Variants in SAV1 observed in about 807,000 individuals in gnomAD.
The protein encoded by SAV1 is salvador family WW domain containing protein 1.
Under a neutral mutation model 47.3 loss-of-function variants are expected in SAV1, and 23 were observed. The observed-to-expected ratio is 0.49, with a 90% CI of 0.35 to 0.69. The LOEUF (loss-of-function observed/expected upper bound fraction) is 0.69. SAV1 is among the 30% of genes least tolerant of loss of function. The probability of loss-of-function intolerance (pLI) is 0.01; values close to 1 mark genes in which losing one functional copy is unlikely to be tolerated. For missense variants in SAV1, 448 were observed against 457.4 expected (o/e 0.98, Z 0.19); for synonymous variants, 155 against 159.2 (o/e 0.97, Z 0.20).
intron 2 of SAV1, among the ~76,000 whole-genome samples, chr14:50,657,024 C>CTT (rs3080610): frequency 0.019 from 2,281 of 122,218 alleles, 106 homozygotes; most frequent in African/African-American, 0.064. Flanking sequence ...AAAACACTCA[C>CTT]TTTTTTTTTT....
At chr14:50,640,989 G>C (rs2039677354) in intron 3 of SAV1, 96 bp from the exon 4 acceptor site, 1 of 1,182,654 alleles carries the variant, frequency 8.5e-7, no homozygotes, top group Non-Finnish European at 1.2e-6. Context: ...TTTTCAGTGT[G>C]CCTTCTGTCC....
intron 3 of SAV1, among the ~76,000 whole-genome samples, chr14:50,642,201 G>C (rs1053410762): frequency 6.6e-6 from 1 of 152,124 alleles, no homozygotes; most frequent in Non-Finnish European, 1.5e-5. Context: ...AGGCCTACTT[G>C]CGGGCAGAGG....
intron 2 of SAV1, among the ~76,000 whole-genome samples, chr14:50,661,129 T>G (rs2039856733): frequency 1.3e-5 from 2 of 152,220 alleles, no homozygotes; most frequent in South Asian, 4.1e-4. Flanking sequence ...GTAGTATATT[T>G]TTTTGTCTTT....
chr14:50,636,877 C>T (rs72679596), intron 4 of SAV1, among the ~76,000 whole-genome samples: 27,963 of 152,064 alleles, frequency 0.18, 2,992 homozygotes, highest in African/African-American at 0.29. Context: ...TACTGCAGAG[C>T]AGACATAATA....
At chr14:50,658,934 C>A (rs2039835326) in intron 2 of SAV1, among the ~76,000 whole-genome samples, 1 of 152,302 alleles carries the variant, frequency 6.6e-6, no homozygotes, top group South Asian at 2.1e-4. Context: ...TCTTTCCCTG[C>A]AACTTTAGAG....
intron 2 of SAV1, among the ~76,000 whole-genome samples, chr14:50,659,077 T>G (rs77150513): frequency 6.9e-6 from 1 of 145,342 alleles, no homozygotes; most frequent in African/African-American, 2.6e-5. Context: ...TAAAGAATTT[T>G]TTTTTTTTTT....
chr14:50,657,029 T>G (rs1186703665), intron 2 of SAV1, among the ~76,000 whole-genome samples: 1 of 149,946 alleles, frequency 6.7e-6, no homozygotes, highest in Non-Finnish European at 1.5e-5. Context: ...ACTCACTTTT[T>G]TTTTTTTTTT....
chr14:50,638,012 C>T (rs1327975541), intron 4 of SAV1: 1 of 152,134 alleles, frequency 6.6e-6, no homozygotes, highest in Non-Finnish European at 1.5e-5. Context: ...CAGCATTCAG[C>T]ATCAAGAGTA....
rs796726657 is a variant in SAV1, at chr14:50,656,508, T to C, written c.535+8671A>G. Among the ~76,000 whole-genome samples the C allele has an allele frequency of 7.5e-4, 112 of 150,008 alleles. 1 individual carries two copies. Among genetic ancestry groups the C allele is most frequent in the African/African-American group, 2.5e-3 (102 of 40,506 alleles). ...CCCAGGTTGGAGTGCGGTGGCGCGA[T>C]CTCCGCTCACTGCAAGCTCTGCCTC... On this transcript the variant is annotated intron_variant, in intron 2 of 4. Coordinates refer to ENST00000324679, the MANE Select transcript of SAV1 (RefSeq NM_021818.4).
chr14:50,635,112 C>G lies in SAV1; in HGVS notation c.*71G>C. ...GAAGCAGCATTTATTAACCAGAGTA[C>G]TTGTTTGCAATTTTTTATCTGTGAA... is the stretch of plus-strand genomic sequence containing the variant. On this transcript the variant is annotated 3_prime_UTR_variant, in exon 5 of 5. Coordinates refer to ENST00000324679, the MANE Select transcript of SAV1 (RefSeq NM_021818.4). 1.8e-6 allele frequency: 2 copies of G among 1,116,310 alleles called. No homozygotes were observed. Among genetic ancestry groups the G allele is most frequent in the South Asian group, 2.7e-5 (2 of 75,370 alleles). The allele number at this position is 1,116,310 out of a possible 1,614,324, so 69.2% of individuals were successfully genotyped here.
intron 2 of SAV1, among the ~76,000 whole-genome samples, chr14:50,650,636 G>C (rs1186420640): frequency 6.6e-6 from 1 of 152,180 alleles, no homozygotes; most frequent in Non-Finnish European, 1.5e-5. Context: ...GGGGAAACCA[G>C]ATACCATATC....
chr14:50,648,965 A>T (rs1443324869), intron 2 of SAV1, among the ~76,000 whole-genome samples: 1 of 152,168 alleles, frequency 6.6e-6, no homozygotes, highest in Non-Finnish European at 1.5e-5. Flanking sequence ...TATCTCTTGT[A>T]TAACTTTCAA....
chr14:50,660,276 T>C (rs1477584980), intron 2 of SAV1, among the ~76,000 whole-genome samples: 1 of 152,144 alleles, frequency 6.6e-6, no homozygotes, highest in Non-Finnish European at 1.5e-5. Context: ...ACCCATCCCC[T>C]AGCCCCCTGC....
rs2039894864 is a variant in SAV1 at position 50,665,539 on chromosome 14, C to T, written c.175G>A (p.Ala59Thr). 5 of 1,613,876 alleles carry T rather than the reference C, an allele frequency of 3.1e-6. No homozygotes were observed. Among genetic ancestry groups the T allele is most frequent in the Non-Finnish European group, 4.2e-6 (5 of 1,179,928 alleles). Residue 59 changes from alanine to threonine, a missense_variant, in exon 2 of 5, where the codon GCC (alanine) becomes ACC (threonine). Coordinates refer to ENST00000324679, the MANE Select transcript of SAV1 (RefSeq NM_021818.4). ...ACTACATCTCCAGAAGTTGAAAAGG[C>T]ATTAGGGCTTGAATCTGGAAGACAG... ...DICLPDSSPN[A>T]FSTSGDVVSR... is the part of the protein sequence containing the mutation.
chr14:50,666,477 A>G (rs1016039110), intron 1 of SAV1, among the ~76,000 whole-genome samples: 1 of 152,238 alleles, frequency 6.6e-6, no homozygotes, highest in Non-Finnish European at 1.5e-5. Context: ...GGAGACACTC[A>G]TATTAATAAG....
At position 50,644,794 on chromosome 14, in the gene SAV1, A is replaced by G. The variant is rs761679211; in HGVS notation, c.756T>C (p.Tyr252=). 12 of 1,614,190 alleles carry G rather than the reference A, an allele frequency of 7.4e-6. 1 individual carries two copies. The South Asian group carries it at 8.8e-5, about 12-fold the overall frequency. ...GGGCCTTCTTATTTGTGTGATCTAC[A>G]TAATAGGTTCCAAATTCGGATGACT... ...RVESSEFGTY[Y]VDHTNKKAQY... is the part of the protein sequence containing the mutation. Residue 252 remains tyrosine, a synonymous_variant, in exon 3 of 5, where the codon TAT becomes TAC. Coordinates refer to ENST00000324679, the MANE Select transcript of SAV1 (RefSeq NM_021818.4).
intron 2 of SAV1, among the ~76,000 whole-genome samples, chr14:50,650,382 C>T (rs1258368951): frequency 4.6e-5 from 7 of 152,054 alleles, no homozygotes; most frequent in East Asian, 1.9e-4. Flanking sequence ...GAATAATATT[C>T]GGGATGTATT....
Position 50,635,066 on chromosome 14 carries a change from A to C in SAV1, c.*117T>G. On this transcript the variant is annotated 3_prime_UTR_variant, in exon 5 of 5. Coordinates refer to ENST00000324679, the MANE Select transcript of SAV1 (RefSeq NM_021818.4). ...AATAACAAAATACATGTAAAGTTAG[A>C]ATTTTATAATTTCCACAAAGGAAGC... 1 of 721,506 alleles carries C rather than the reference A, an allele frequency of 1.4e-6. No individual in the cohort carries two copies. Among genetic ancestry groups the C allele is most frequent in the Non-Finnish European group, 2.3e-6 (1 of 444,346 alleles). The allele number at this position is 721,506 out of a possible 1,614,324, so 44.7% of individuals were successfully genotyped here.
chr14:50,665,817 A>C (rs937081780), intron 1 of SAV1, among the ~76,000 whole-genome samples, 198 bp from the exon 2 acceptor site: 2 of 152,214 alleles, frequency 1.3e-5, no homozygotes, highest in African/African-American at 4.8e-5. Flanking sequence ...AAATGAATTT[A>C]TATAACTTGC....
Sources: allele counts gnomAD v4.1 joint callset (sites outside exome capture counted in the v4.1 genomes callset), GRCh38; gene constraint gnomAD v4.1.1; transcripts MANE v1.5; gene names NCBI Gene and HGNC (gene_info 2026-07-23, HGNC 2026-07-21).